The following DSCAML1 variants were observed in gnomAD, a reference collection of about 807,000 sequenced individuals.
The protein encoded by DSCAML1 is cell adhesion molecule DSCAML1.
In DSCAML1, 38 loss-of-function variants were observed where a neutral mutation model predicts 200.5. The observed-to-expected ratio is 0.19, with a 90% CI of 0.15 to 0.25. The LOEUF (loss-of-function observed/expected upper bound fraction) is 0.25, where lower values mean the gene tolerates loss of function less well. Among genes scored for constraint, DSCAML1 ranks in the 10% least tolerant of loss-of-function variants. The pLI, the probability that DSCAML1 is intolerant of heterozygous loss-of-function variation, is 1.00. For missense variants in DSCAML1, 2,223 were observed against 2,858.8 expected (o/e 0.78, Z 5.07); for synonymous variants, 1,215 against 1,165.0 (o/e 1.04, Z -0.87).
In DSCAML1 at chr11:117,433,247, A is replaced by T. The variant is rs1388545450; in HGVS notation, c.4917T>A (p.Asn1639Lys). Residue 1639 changes from asparagine to lysine, a missense_variant, in exon 29 of 33, where the codon AAT becomes AAA. By Grantham distance (94) the Asn-to-Lys change is moderately conservative. Coordinates refer to ENST00000651296, the MANE Select transcript of DSCAML1 (RefSeq NM_020693.4). ...CTTTCACAGGGGTGTCAAAGCTTCT[A>T]TTGTTCTTGCTGTGGGGAGAAAGAC... ...SLAEMLISKNNRSFDTPVKGP... is the reference protein window; with the variant it reads ...SLAEMLISKNKRSFDTPVKGP... 6.2e-7 allele frequency: 1 copy of T among 1,610,390 alleles called. No individual in the cohort carries two copies. The highest frequency in any genetic ancestry group is 8.5e-7 in the Non-Finnish European group (1 of 1,178,184).
intron 3 of DSCAML1, among the ~76,000 whole-genome samples, chr11:117,577,513 CCTTCCTTCCTTCCTTCCTTCCTTTCCT>C (rs2050965168): frequency 2.0e-5 from 1 of 49,944 alleles, no homozygotes. Context: ...TTCCCTCCTT[CCTTCCTTCCTTCCTTCCTTCCTTTCCT>C]TCCTTCCCTC....
At chr11:117,759,513 T>C (rs1042272815) in intron 3 of DSCAML1, among the ~76,000 whole-genome samples, 1 of 152,164 alleles carries the variant, frequency 6.6e-6, no homozygotes, top group African/African-American at 2.4e-5. Flanking sequence ...CAAGTTTCCC[T>C]ATTGGCTATG....
intron 5 of DSCAML1, 23 bp downstream of exon 5, chr11:117,524,782 C>A (rs55642294): frequency 0.27 from 417,297 of 1,557,396 alleles, 58,136 homozygotes; most frequent in Non-Finnish European, 0.29. Context: ...ACTGGGGCTG[C>A]AGAAGGGGCT....
At chr11:117,691,804 G>A (rs1565877381) in intron 3 of DSCAML1, among the ~76,000 whole-genome samples, 1 of 152,048 alleles carries the variant, frequency 6.6e-6, no homozygotes, top group Non-Finnish European at 1.5e-5. Flanking sequence ...TCTCCCCAGG[G>A]GGGTTTTGCT....
At chr11:117,803,916 C>T (rs749129656) in intron 1 of DSCAML1, among the ~76,000 whole-genome samples, 3 of 152,362 alleles carry the variant, frequency 2.0e-5, no homozygotes, top group Non-Finnish European at 2.9e-5. Flanking sequence ...CCAGTCCATG[C>T]GCTGGAGGAT....
intron 19 of DSCAML1, among the ~76,000 whole-genome samples, chr11:117,458,549 G>GAGGT (rs201152397): frequency 0.013 from 1,994 of 152,032 alleles, 42 homozygotes; most frequent in South Asian, 0.017. Flanking sequence ...GGTGCGGGGG[G>GAGGT]AGGTGCAGGG....
At chr11:117,460,687 C>T (rs995681232) in intron 18 of DSCAML1, among the ~76,000 whole-genome samples, 3 of 152,136 alleles carry the variant, frequency 2.0e-5, no homozygotes, top group Admixed American at 6.5e-5. Context: ...TTGCACATTC[C>T]AGGGCGAGGA....
intron 1 of DSCAML1, among the ~76,000 whole-genome samples, chr11:117,790,386 G>A (rs1400537707): frequency 2.0e-5 from 3 of 152,202 alleles, no homozygotes; most frequent in Non-Finnish European, 4.4e-5. Flanking sequence ...TGCCAAGTTT[G>A]CTCCAGGAAG....
intron 11 of DSCAML1, among the ~76,000 whole-genome samples, chr11:117,500,209 C>G (rs953742570): frequency 6.6e-6 from 1 of 152,178 alleles, no homozygotes. Context: ...TGAAGCTTTT[C>G]TTGACACGTG....
At chr11:117,802,979 C>T (rs2055674784) in intron 1 of DSCAML1, among the ~76,000 whole-genome samples, 1 of 151,972 alleles carries the variant, frequency 6.6e-6, no homozygotes, top group Non-Finnish European at 1.5e-5. Flanking sequence ...TATGAAAACA[C>T]TGTAGAATAA....
chr11:117,742,450 G>A (rs1162688807), intron 3 of DSCAML1, among the ~76,000 whole-genome samples: 1 of 152,170 alleles, frequency 6.6e-6, no homozygotes, highest in Non-Finnish European at 1.5e-5. Context: ...GCTGGCTGTG[G>A]GACCCTCCTA....
intron 5 of DSCAML1, among the ~76,000 whole-genome samples, chr11:117,523,658 G>A (rs1056880608): frequency 3.9e-5 from 6 of 152,236 alleles, no homozygotes; most frequent in Admixed American, 1.3e-4. Context: ...GGCTGTGGGA[G>A]TCAGACACTA....
At chr11:117,690,412 T>C (rs61903823) in intron 3 of DSCAML1, among the ~76,000 whole-genome samples, 3,174 of 152,322 alleles carry the variant, frequency 0.021, 45 homozygotes, top group Middle Eastern at 0.044. Flanking sequence ...TCCCAAGGGA[T>C]GGAGGCACCC....
intron 26 of DSCAML1, 143 bp from the exon 27 acceptor site, chr11:117,435,942 C>T (rs1158961104): frequency 3.8e-6 from 3 of 789,294 alleles, no homozygotes; most frequent in African/African-American, 3.5e-5. Flanking sequence ...CCCTGGACTT[C>T]CCCTCTGCTC....
At chr11:117,659,400 G>C (rs943956281) in intron 3 of DSCAML1, among the ~76,000 whole-genome samples, 1 of 152,236 alleles carries the variant, frequency 6.6e-6, no homozygotes, top group African/African-American at 2.4e-5. Flanking sequence ...GGCCAAAAGA[G>C]GTTAAGTGCC....
chr11:117,659,061 G>A (rs934958552), intron 3 of DSCAML1, among the ~76,000 whole-genome samples: 1 of 152,202 alleles, frequency 6.6e-6, no homozygotes, highest in Admixed American at 6.5e-5. Context: ...TAGGTAGTCT[G>A]CCTTCCAGCT....
intron 3 of DSCAML1, among the ~76,000 whole-genome samples, chr11:117,672,446 C>T (rs1448455371): frequency 1.3e-5 from 2 of 152,162 alleles, no homozygotes; most frequent in Admixed American, 6.5e-5. Context: ...CACAAAAATG[C>T]TGATGGCTTT....
At chr11:117,618,762 TG>T (rs2051864068) in intron 3 of DSCAML1, among the ~76,000 whole-genome samples, 1 of 152,076 alleles carries the variant, frequency 6.6e-6, no homozygotes, top group Admixed American at 6.5e-5. Context: ...TGCATTTCAG[TG>T]GGCCAAGGAG....
chr11:117,439,149 G>A (rs2047986464), intron 23 of DSCAML1, 117 bp downstream of exon 23: 2 of 1,443,384 alleles, frequency 1.4e-6, no homozygotes, highest in Non-Finnish European at 1.9e-6. Context: ...TTTCTCCAGA[G>A]GTCTGTCTCT....
Sources: gnomAD v4.1 joint callset for allele counts (sites outside exome capture counted in the v4.1 genomes callset) on GRCh38, gnomAD v4.1.1 for gene constraint, MANE v1.5 for transcripts, NCBI Gene and HGNC (gene_info 2026-07-23, HGNC 2026-07-21) for gene names.